GALNTL6: variants seen among roughly 807,000 people sequenced by gnomAD.
GALNTL6 encodes polypeptide N-acetylgalactosaminyltransferase like 6.
In GALNTL6, 46 loss-of-function variants were observed where a neutral mutation model predicts 73.7. That is an observed-to-expected ratio of 0.62 (90% CI 0.49 to 0.80). The LOEUF (loss-of-function observed/expected upper bound fraction) is 0.80. GALNTL6 is among the 30% of genes least tolerant of loss of function. The probability of loss-of-function intolerance (pLI) is 0.00; values close to 1 mark genes in which losing one functional copy is unlikely to be tolerated. For missense variants in GALNTL6, 604 were observed against 755.0 expected (o/e 0.80, Z 2.34); for synonymous variants, 259 against 263.7 (o/e 0.98, Z 0.17).
At chr4:172,700,972 G>C (rs1165859451) in intron 5 of GALNTL6, among the ~76,000 whole-genome samples, 2 of 152,066 alleles carry the variant, frequency 1.3e-5, no homozygotes, top group African/African-American at 2.4e-5. Flanking sequence ...TACATATGAA[G>C]CTTAAGGAGC....
intron 5 of GALNTL6, among the ~76,000 whole-genome samples, chr4:172,623,622 C>T (rs973961614): frequency 3.3e-5 from 5 of 152,082 alleles, no homozygotes; most frequent in Non-Finnish European, 7.4e-5. Flanking sequence ...TTCCATTCAG[C>T]TCCTTTATTT....
chr4:172,588,970 A>G (rs925079345), intron 5 of GALNTL6, among the ~76,000 whole-genome samples: 7 of 152,246 alleles, frequency 4.6e-5, no homozygotes, highest in Non-Finnish European at 1.0e-4. Context: ...ATTTCTAAGC[A>G]AATAAAATAT....
chr4:172,948,800 T>C (rs750855577), intron 9 of GALNTL6, among the ~76,000 whole-genome samples: 2 of 152,060 alleles, frequency 1.3e-5, no homozygotes, highest in Admixed American at 6.6e-5. Context: ...TCAACACACC[T>C]AGTGTGTTTC....
In GALNTL6 at chr4:171,825,836, T is replaced by C. The variant is rs183845719; in HGVS notation, c.138+11118T>C. Among the ~76,000 whole-genome samples the C allele has an allele frequency of 7.2e-5, 11 of 152,306 alleles. No individual in the cohort carries two copies. The East Asian group carries it at 1.9e-3, about 27-fold the overall frequency. ...ACTTCAAAAACTTGAATCTTTTGCT[T>C]CGTAAAAAACATTCTGTTGAACATC... On this transcript the variant is annotated intron_variant, in intron 2 of 12. Transcript: ENST00000506823.
At chr4:172,267,074 A>C (rs577742245) in intron 3 of GALNTL6, among the ~76,000 whole-genome samples, 1 of 152,272 alleles carries the variant, frequency 6.6e-6, no homozygotes, top group Admixed American at 6.5e-5. Context: ...GATAGAAAAC[A>C]ATGATATTCA....
chr4:172,547,470 A>G (rs4247207), intron 5 of GALNTL6, among the ~76,000 whole-genome samples: 126,583 of 152,088 alleles, frequency 0.83, 52,820 homozygotes, highest in Non-Finnish European at 0.87. Flanking sequence ...CAAAGAATAT[A>G]TAGCTGGGGG....
chr4:172,909,095 A>C (rs562297391), intron 8 of GALNTL6, among the ~76,000 whole-genome samples: 3 of 152,070 alleles, frequency 2.0e-5, no homozygotes, highest in African/African-American at 7.2e-5. Flanking sequence ...AGATAAAATT[A>C]ACATTTCAAA....
chr4:172,654,802 G>A (rs978588550), intron 5 of GALNTL6, among the ~76,000 whole-genome samples: 3 of 152,172 alleles, frequency 2.0e-5, no homozygotes, highest in African/African-American at 7.2e-5. Flanking sequence ...TCCTTCTTTG[G>A]CCTAGGATGG....
At chr4:172,568,757 CAAAAAAAAAAA>C (rs71592082) in intron 5 of GALNTL6, among the ~76,000 whole-genome samples, 2 of 67,078 alleles carry the variant, frequency 3.0e-5, no homozygotes, top group South Asian at 7.4e-4. Flanking sequence ...GACTCCATCT[CAAAAAAAAAAA>C]AAAAAAAAAA....
At chr4:172,527,907 G>T (rs756951589) in intron 5 of GALNTL6, among the ~76,000 whole-genome samples, 8 of 151,882 alleles carry the variant, frequency 5.3e-5, no homozygotes, top group Non-Finnish European at 1.0e-4. Context: ...GTTTAGCTTG[G>T]AACTCAATGT....
At chr4:172,801,650 G>A (rs1740650323) in intron 5 of GALNTL6, among the ~76,000 whole-genome samples, 1 of 152,194 alleles carries the variant, frequency 6.6e-6, no homozygotes, top group South Asian at 2.1e-4. Flanking sequence ...AAGGGGCCAT[G>A]CCATGGTGAA....
At chr4:172,192,672 G>A (rs769242709) in intron 2 of GALNTL6, among the ~76,000 whole-genome samples, 7 of 152,236 alleles carry the variant, frequency 4.6e-5, no homozygotes, top group African/African-American at 9.6e-5. Flanking sequence ...TGTGCAACTC[G>A]CCCATCAGGA....
chr4:173,032,264 A>G (rs1753492592), intron 12 of GALNTL6, among the ~76,000 whole-genome samples: 1 of 152,166 alleles, frequency 6.6e-6, no homozygotes, highest in Admixed American at 6.5e-5. Flanking sequence ...CCTGGCTAAC[A>G]CGGTGAAACC....
rs548709736 is a variant in GALNTL6, at chr4:172,090,935, C to T, written c.139-138721C>T. ...TATGGCTAGCCAGTTTTCCCCAACACCATTTATTAAACAGGGAATCTTTTG... is the reference window on the plus strand; with the variant it reads ...TATGGCTAGCCAGTTTTCCCCAACATCATTTATTAAACAGGGAATCTTTTG... On this transcript the variant is annotated intron_variant, in intron 2 of 12. Coordinates refer to ENST00000506823, the MANE Select transcript of GALNTL6 (RefSeq NM_001034845.3). Among the ~76,000 whole-genome samples, 31 of 152,194 alleles carry T rather than the reference C, an allele frequency of 2.0e-4. No individual in the cohort carries two copies. In the South Asian group the frequency reaches 6.4e-3, roughly 32 times the overall value.
At chr4:172,429,493 A>G (rs1731361898) in intron 5 of GALNTL6, among the ~76,000 whole-genome samples, 1 of 152,124 alleles carries the variant, frequency 6.6e-6, no homozygotes, top group Non-Finnish European at 1.5e-5. Flanking sequence ...TACAAGCCTA[A>G]CCTCTTAATA....
intron 5 of GALNTL6, among the ~76,000 whole-genome samples, chr4:172,417,109 A>G (rs1730866907): frequency 6.6e-6 from 1 of 152,206 alleles, no homozygotes; most frequent in Non-Finnish European, 1.5e-5. Flanking sequence ...TAAAAAAGTG[A>G]GAAACCTTAA....
intron 4 of GALNTL6, among the ~76,000 whole-genome samples, chr4:172,313,770 T>C (rs923003380): frequency 6.6e-6 from 1 of 152,002 alleles, no homozygotes; most frequent in Non-Finnish European, 1.5e-5. Context: ...ATAGGACAAG[T>C]GGTCATGTAG....
chr4:171,820,724 T>A (rs920439060), intron 2 of GALNTL6, among the ~76,000 whole-genome samples: 2 of 152,180 alleles, frequency 1.3e-5, no homozygotes, highest in Admixed American at 1.3e-4. Context: ...AGTCTGTTAG[T>A]ATGGCACAGA....
intron 2 of GALNTL6, among the ~76,000 whole-genome samples, chr4:172,213,015 G>A (rs1174421137): frequency 2.0e-5 from 3 of 152,068 alleles, no homozygotes; most frequent in African/African-American, 7.2e-5. Context: ...ATTTCCTAAA[G>A]TATCACATAG....
Sources: gnomAD v4.1 joint callset for allele counts (sites outside exome capture counted in the v4.1 genomes callset) on GRCh38, gnomAD v4.1.1 for gene constraint, MANE v1.5 for transcripts, NCBI Gene and HGNC (gene_info 2026-07-23, HGNC 2026-07-21) for gene names.